The following PIN4 variants were observed in gnomAD, a reference collection of about 807,000 sequenced individuals.
PIN4 encodes the protein peptidyl-prolyl cis-trans isomerase NIMA-interacting 4.
In PIN4, 3 loss-of-function variants were observed where a neutral mutation model predicts 8.3. That is an observed-to-expected ratio of 0.36 (90% CI 0.16 to 0.93). PIN4 has a LOEUF of 0.93. Ranked by LOEUF, PIN4 falls within the 40% of genes least tolerant of loss-of-function variation. The pLI is 0.44. For missense variants in PIN4, 75 were observed against 100.6 expected, an observed-to-expected ratio of 0.75 and a Z score of 1.09; for synonymous variants, 18 against 32.5, an observed-to-expected ratio of 0.55 and a Z score of 1.52.
chrX:72,215,332 T>G (rs1247817526), intron 3 of PIN4, among the ~76,000 whole-genome samples: 2 of 111,721 alleles, frequency 1.8e-5, no homozygotes, highest in African/African-American at 6.5e-5. Flanking sequence ...CTTGTCAAAA[T>G]TCACCAAATG....
downstream of PIN4, among the ~76,000 whole-genome samples, chrX:72,199,524 C>T (rs745771914): frequency 1.8e-5 from 2 of 111,139 alleles, no homozygotes; most frequent in Admixed American, 9.6e-5. Context: ...GGCGACAGAG[C>T]GAGACTCCAT....
intron 3 of PIN4, among the ~76,000 whole-genome samples, chrX:72,253,453 C>G (rs12007462): frequency 0.097 from 10,717 of 110,378 alleles, 668 homozygotes; most frequent in South Asian, 0.23. Context: ...CGGTGAAACC[C>G]CATTTCTACT....
intron 3 of PIN4, chrX:72,206,072 TA>T: frequency 8.3e-7 from 1 of 1,211,072 alleles, no homozygotes; most frequent in South Asian, 1.8e-5. Flanking sequence ...GTTATGGAAA[TA>T]ATGGGCCAAG....
Position 72,197,719 on chromosome X carries a change from A to C in PIN4, c.*193A>C. On this transcript the variant is annotated 3_prime_UTR_variant, in exon 4 of 4. Transcript: ENST00000373669. Reference sequence around the variant, plus strand: ...AGAGGGTGGGGCTAAGTGAATGTCAACTGTAGTAGGTATTCAGTCAGTCTT... The same window carrying C: ...AGAGGGTGGGGCTAAGTGAATGTCACCTGTAGTAGGTATTCAGTCAGTCTT... 1 of 992,206 alleles carries C rather than the reference A, an allele frequency of 1.0e-6. No homozygotes were observed. Among genetic ancestry groups the C allele is most frequent in the East Asian group, 4.0e-5 (1 of 24,850 alleles). 81.8% of individuals were successfully genotyped at this position (992,206 alleles called of 1,213,427 possible). A position where few individuals can be genotyped will look rare whatever the true frequency, so the allele number is the denominator to read the frequency against.
chrX:72,256,589 A>G (rs766301060), intron 3 of PIN4, among the ~76,000 whole-genome samples: 1 of 111,762 alleles, frequency 8.9e-6, no homozygotes, highest in South Asian at 3.8e-4. Context: ...CCACCCAGAA[A>G]TCATGTTGAA....
chrX:72,254,133 T>A (rs967046588), intron 3 of PIN4, among the ~76,000 whole-genome samples: 5 of 112,100 alleles, frequency 4.5e-5, no homozygotes. Context: ...AACTCCTCAC[T>A]GAAGCCTACA....
At chrX:72,226,739 A>G (rs921391246) in intron 3 of PIN4, among the ~76,000 whole-genome samples, 2 of 111,421 alleles carry the variant, frequency 1.8e-5, no homozygotes, top group Non-Finnish European at 3.8e-5. Flanking sequence ...CTCATACAAC[A>G]TATCCCCTCC....
At chrX:72,256,890 C>G (rs771586434) in intron 3 of PIN4, among the ~76,000 whole-genome samples, 14 of 112,145 alleles carry the variant, frequency 1.2e-4, no homozygotes, top group Admixed American at 1.9e-4. Context: ...GGAATAGCAA[C>G]TAGTCCAGGG....
In PIN4 at chrX:72,196,895, C is replaced by T. The variant is rs1178733216; in HGVS notation, c.228C>T (p.Ala76=). 2 of 1,191,303 alleles carry T rather than the reference C, an allele frequency of 1.7e-6. No homozygotes were observed. Among genetic ancestry groups the T allele is most frequent in the Non-Finnish European group, 2.3e-6 (2 of 885,652 alleles). Residue 76 remains alanine, a synonymous_variant, in exon 3 of 4, where the codon GCC becomes GCT. Transcript: ENST00000373669. ...CCGCACAGTATAGTGAAGATAAAGCCAGGCAAGGGGTATGTTGCTCTTATT... is the reference window on the plus strand; with the variant it reads ...CCGCACAGTATAGTGAAGATAAAGCTAGGCAAGGGGTATGTTGCTCTTATT... ...EVAAQYSEDK[A]RQGGDLGWMT...
chrX:72,246,133 C>A (rs1161030179), intron 3 of PIN4, among the ~76,000 whole-genome samples: 7 of 111,565 alleles, frequency 6.3e-5, no homozygotes, highest in Admixed American at 5.7e-4. Context: ...CTCCCCTAGA[C>A]CTGCTCTCTC....
intron 1 of PIN4, among the ~76,000 whole-genome samples, chrX:72,183,034 A>G (rs976474580): frequency 6.3e-5 from 7 of 111,926 alleles, no homozygotes; most frequent in Non-Finnish European, 1.1e-4. Context: ...AACTGAGAAA[A>G]GAGAAAAGAT....
chrX:72,199,262 C>T (rs1219810958), downstream of PIN4, among the ~76,000 whole-genome samples: 1 of 111,824 alleles, frequency 8.9e-6, no homozygotes, highest in Non-Finnish European at 1.9e-5. Flanking sequence ...AGGCTGGGCA[C>T]GGTGGCTCAT....
downstream of PIN4, among the ~76,000 whole-genome samples, chrX:72,201,310 G>C (rs192492823): frequency 3.6e-4 from 40 of 112,647 alleles, no homozygotes; most frequent in Admixed American, 3.4e-3. Context: ...AATTGTGGCT[G>C]GGCACAGTGG....
At chrX:72,238,567 A>G (rs1282756152) in intron 3 of PIN4, among the ~76,000 whole-genome samples, 1 of 112,554 alleles carries the variant, frequency 8.9e-6, no homozygotes, top group Non-Finnish European at 1.9e-5. Context: ...GAAAAGAATC[A>G]AGAAGGGCTT....
Position 72,262,499 on chromosome X carries a change from C to T in PIN4, c.313-208C>T, listed in dbSNP as rs190376403. On this transcript the variant is annotated intron_variant, in intron 3 of 3. Transcript: ENST00000423432. ...GCAAATAAGCCCAATTTTTCAGGGT[C>T]GTGGAAATTCACTGCAAGGAGGAGC... Among the ~76,000 whole-genome samples the T allele has an allele frequency of 5.4e-4, 60 of 111,892 alleles. No homozygotes were observed. In the East Asian group the frequency reaches 0.013, roughly 25 times the overall value.
chrX:72,245,069 C>CAAAAAAAAAAA (rs35952560), intron 3 of PIN4, among the ~76,000 whole-genome samples: 8 of 19,756 alleles, frequency 4.0e-4, no homozygotes, highest in African/African-American at 1.4e-3. Flanking sequence ...GAGATCCTGT[C>CAAAAAAAAAAA]AAAAAAAAAA....
chrX:72,239,182 C>T, intron 3 of PIN4: 2 of 358,843 alleles, frequency 5.6e-6, no homozygotes, highest in Non-Finnish European at 1.0e-5. Flanking sequence ...TCTCTGCCTT[C>T]GAGACACGGA....
upstream of PIN4, chrX:72,181,734 G>A (rs756529299): frequency 8.5e-7 from 1 of 1,169,845 alleles, no homozygotes; most frequent in South Asian, 1.8e-5. Flanking sequence ...GGCTTCTAAA[G>A]GGGCTTGTAC....
At position 72,197,869 on chromosome X, in the gene PIN4, C is replaced by T. The variant is rs2042774752; in HGVS notation, c.*343C>T. On this transcript the variant is annotated 3_prime_UTR_variant, in exon 4 of 4. Coordinates refer to ENST00000373669, the MANE Select transcript of PIN4 (RefSeq NM_006223.4). Reference sequence around the variant, plus strand: ...CATCTTCAGGGGAAGCAGATATCAACTCACACTATTCACACAACTGAAAAT... The same window carrying T: ...CATCTTCAGGGGAAGCAGATATCAATTCACACTATTCACACAACTGAAAAT... The T allele has an allele frequency of 1.3e-6, 1 of 768,707 alleles. No individual in the cohort carries two copies. Among genetic ancestry groups the T allele is most frequent in the South Asian group, 6.3e-5 (1 of 15,786 alleles). The allele number at this position is 768,707 out of a possible 1,213,427, so 63.4% of individuals were successfully genotyped here.
Sources: gnomAD v4.1 joint callset for allele counts (sites outside exome capture counted in the v4.1 genomes callset) on GRCh38, gnomAD v4.1.1 for gene constraint, MANE v1.5 for transcripts, NCBI Gene and HGNC (gene_info 2026-07-23, HGNC 2026-07-21) for gene names.